FANCC: variants seen among roughly 807,000 people sequenced by gnomAD.
FANCC encodes the protein Fanconi anemia group C protein.
Under a neutral mutation model 71.3 loss-of-function variants are expected in FANCC, and 55 were observed. The observed-to-expected ratio is 0.77, with a 90% confidence interval of 0.62 to 0.97. The LOEUF (loss-of-function observed/expected upper bound fraction) is 0.97. Ranked by LOEUF, FANCC falls within the 50% of genes least tolerant of loss-of-function variation. The probability of loss-of-function intolerance (pLI) is 0.00; values close to 1 mark genes in which losing one functional copy is unlikely to be tolerated. For missense variants in FANCC, 678 were observed against 670.9 expected (o/e 1.01, Z -0.12); for synonymous variants, 275 against 244.9 (o/e 1.12, Z -1.15).
intron 8 of FANCC, among the ~76,000 whole-genome samples, chr9:95,128,901 C>T (rs1826428750): frequency 6.6e-6 from 1 of 151,388 alleles, no homozygotes; most frequent in Admixed American, 6.6e-5. Flanking sequence ...GATTTGAAAA[C>T]CAGTCTCCTT....
At chr9:95,249,505 G>A (rs1221985390) in intron 1 of FANCC, 136 bp from the exon 2 acceptor site, 2 of 573,044 alleles carry the variant, frequency 3.5e-6, no homozygotes, top group African/African-American at 3.7e-5. Context: ...TCTTTGAATT[G>A]TTATAAAATA....
At chr9:95,106,503 C>A (rs1302323894) in intron 14 of FANCC, among the ~76,000 whole-genome samples, 1 of 152,150 alleles carries the variant, frequency 6.6e-6, no homozygotes, top group East Asian at 1.9e-4. Flanking sequence ...TCTTTCATTG[C>A]TGTGCCTTTG....
chr9:95,298,523 C>G (rs1413300521), intron 1 of FANCC, among the ~76,000 whole-genome samples: 2 of 152,084 alleles, frequency 1.3e-5, no homozygotes, highest in Non-Finnish European at 2.9e-5. Flanking sequence ...GATGAGATAA[C>G]CCAGGGAGGA....
rs1057524180 is a variant in FANCC at position 95,249,389 on chromosome 9, T to C, written c.-78-20A>G. 3 of 1,241,970 alleles carry C rather than the reference T, an allele frequency of 2.4e-6. No homozygotes were observed. Among genetic ancestry groups the C allele is most frequent in the Non-Finnish European group, 3.5e-6 (3 of 858,278 alleles). 76.9% of individuals were successfully genotyped at this position (1,241,970 alleles called of 1,614,324 possible). A position where few individuals can be genotyped will look rare whatever the true frequency, so the allele number is the denominator to read the frequency against. ...TTAAATCTGTAAGAAAGGGAACAAATAGAAGCATTTCTAAAAGGCTCTTTT... is the reference window on the plus strand; with the variant it reads ...TTAAATCTGTAAGAAAGGGAACAAACAGAAGCATTTCTAAAAGGCTCTTTT... On this transcript the variant is annotated intron_variant, in intron 1 of 14. Coordinates refer to ENST00000289081, the MANE Select transcript of FANCC (RefSeq NM_000136.3).
chr9:95,180,339 C>CTTTTT (rs34697587), intron 4 of FANCC, among the ~76,000 whole-genome samples: 2 of 82,186 alleles, frequency 2.4e-5, no homozygotes, highest in Non-Finnish European at 4.5e-5. Context: ...ACAGTTAACT[C>CTTTTT]TTTTTTTTTT....
chr9:95,285,096 T>C (rs1161659934), intron 1 of FANCC, among the ~76,000 whole-genome samples: 1 of 151,766 alleles, frequency 6.6e-6, no homozygotes, highest in African/African-American at 2.4e-5. Flanking sequence ...AAGAGAAGGA[T>C]TGTGCAAAAA....
chr9:95,102,224 G>C (rs985310945), intron 14 of FANCC, among the ~76,000 whole-genome samples: 1 of 152,196 alleles, frequency 6.6e-6, no homozygotes, highest in African/African-American at 2.4e-5. Flanking sequence ...GCATGCTGTG[G>C]CTTGACTTTC....
At chr9:95,257,673 C>A (rs916762575) in intron 1 of FANCC, among the ~76,000 whole-genome samples, 3 of 152,056 alleles carry the variant, frequency 2.0e-5, no homozygotes, top group Non-Finnish European at 2.9e-5. Flanking sequence ...CAAGAAATAA[C>A]TAAGATCAGA....
In FANCC at chr9:95,257,906, A is replaced by G. The variant is rs138848475; in HGVS notation, c.-78-8537T>C. 6.0e-4 allele frequency among the ~76,000 whole-genome samples: 91 copies of G among 152,356 alleles called. 1 individual carries two copies. Among genetic ancestry groups the G allele is most frequent in the Admixed American group, 5.4e-3 (82 of 15,304 alleles). On this transcript the variant is annotated intron_variant, in intron 1 of 14. Transcript: ENST00000289081. ...ATCAGAGAATACTATAAACACCTCT[A>G]CACAAATAAACTAGAAAATCTAGAA...
intron 8 of FANCC, among the ~76,000 whole-genome samples, chr9:95,132,586 G>A (rs1827074714): frequency 6.6e-6 from 1 of 152,178 alleles, no homozygotes; most frequent in Admixed American, 6.5e-5. Flanking sequence ...ACCAACCGTG[G>A]CAGACAGCAT....
intron 6 of FANCC, 91 bp downstream of exon 6, chr9:95,170,988 T>C: frequency 1.1e-6 from 1 of 906,410 alleles, no homozygotes; most frequent in Non-Finnish European, 1.8e-6. Flanking sequence ...TAACTGAACA[T>C]CCATTTCCTA....
At chr9:95,211,915 A>G (rs1169491983) in intron 4 of FANCC, among the ~76,000 whole-genome samples, 2 of 151,906 alleles carry the variant, frequency 1.3e-5, no homozygotes, top group Non-Finnish European at 2.9e-5. Context: ...AGAATACAAT[A>G]TATGAAATAA....
At chr9:95,289,420 G>C (rs977101378) in intron 1 of FANCC, among the ~76,000 whole-genome samples, 10 of 152,062 alleles carry the variant, frequency 6.6e-5, no homozygotes, top group African/African-American at 2.4e-4. Context: ...TGAAGTGCGC[G>C]TGAGTATAGT....
At chr9:95,145,677 C>G (rs1200983810) in intron 7 of FANCC, among the ~76,000 whole-genome samples, 1 of 152,112 alleles carries the variant, frequency 6.6e-6, no homozygotes, top group Non-Finnish European at 1.5e-5. Flanking sequence ...GATACTGCCG[C>G]ACGCACATGC....
intron 1 of FANCC, among the ~76,000 whole-genome samples, chr9:95,300,015 T>C (rs950342465): frequency 6.6e-6 from 1 of 152,240 alleles, no homozygotes; most frequent in Non-Finnish European, 1.5e-5. Flanking sequence ...AAGTAGGGAC[T>C]TTATCAGTCA....
intron 1 of FANCC, among the ~76,000 whole-genome samples, chr9:95,284,069 T>C (rs1833530731): frequency 6.6e-6 from 1 of 152,260 alleles, no homozygotes; most frequent in South Asian, 2.1e-4. Context: ...TCAGTTATTA[T>C]CATTAGTTAT....
intron 1 of FANCC, among the ~76,000 whole-genome samples, chr9:95,260,682 AATAT>A (rs1349203057): frequency 2.8e-5 from 4 of 142,570 alleles, no homozygotes; most frequent in Admixed American, 7.3e-5. Flanking sequence ...CAGAACTTAA[AATAT>A]AAAAAAAAAA....
At chr9:95,227,509 A>G (rs1422728118) in intron 4 of FANCC, among the ~76,000 whole-genome samples, 1 of 152,198 alleles carries the variant, frequency 6.6e-6, no homozygotes, top group African/African-American at 2.4e-5. Context: ...GACGACTGAC[A>G]GAAGTGTTAT....
chr9:95,272,399 TG>T (rs1832793405), intron 1 of FANCC, among the ~76,000 whole-genome samples: 2 of 152,194 alleles, frequency 1.3e-5, no homozygotes, highest in South Asian at 4.1e-4. Flanking sequence ...TAGGTTGGGA[TG>T]GAACACATCA....
Sources: gnomAD v4.1 joint callset for allele counts (sites outside exome capture counted in the v4.1 genomes callset) on GRCh38, gnomAD v4.1.1 for gene constraint, MANE v1.5 for transcripts, NCBI Gene and HGNC (gene_info 2026-07-23, HGNC 2026-07-21) for gene names.